Variants in ARB2A observed in about 807,000 individuals in gnomAD.
The protein encoded by ARB2A is ARB2 cotranscriptional regulator A.
chr5:94,007,193 T>C, the ARB2A span, among the ~76,000 whole-genome samples: 1 of 152,164 alleles, frequency 6.6e-6, no homozygotes, highest in African/African-American at 2.4e-5. Context: ...ATTTGTAACA[T>C]ATCACAAGGA....
At chr5:94,062,817 C>T in the ARB2A span, among the ~76,000 whole-genome samples, 1 of 152,222 alleles carries the variant, frequency 6.6e-6, no homozygotes, top group Non-Finnish European at 1.5e-5. Flanking sequence ...CCTACAGCGA[C>T]TGCTGCAGCC....
the ARB2A span, among the ~76,000 whole-genome samples, chr5:94,024,432 A>C: frequency 6.6e-6 from 1 of 152,140 alleles, no homozygotes; most frequent in Non-Finnish European, 1.5e-5. Context: ...ATTCCTTAAA[A>C]TACATGTCTT....
At chr5:93,716,389 T>A in the ARB2A span, among the ~76,000 whole-genome samples, 1 of 152,292 alleles carries the variant, frequency 6.6e-6, no homozygotes, top group Admixed American at 6.5e-5. Context: ...GTATTTGACT[T>A]TGAACTTTTG....
chr5:93,634,293 G>C, the ARB2A span, among the ~76,000 whole-genome samples: 1 of 151,890 alleles, frequency 6.6e-6, no homozygotes, highest in Non-Finnish European at 1.5e-5. Flanking sequence ...CCAGCTACTT[G>C]GGAGGCTGAG....
the ARB2A span, among the ~76,000 whole-genome samples, chr5:93,741,968 T>C: frequency 6.6e-6 from 1 of 152,128 alleles, no homozygotes; most frequent in Non-Finnish European, 1.5e-5. Context: ...ATTAAATATC[T>C]ATATGCCAGA....
chr5:93,771,226 T>C, the ARB2A span, among the ~76,000 whole-genome samples: 4 of 151,406 alleles, frequency 2.6e-5, no homozygotes, highest in Non-Finnish European at 5.9e-5. Context: ...ATTTAATAAA[T>C]GGTGCTGGGA....
chr5:93,950,125 T>C, the ARB2A span, among the ~76,000 whole-genome samples: 40 of 152,164 alleles, frequency 2.6e-4, no homozygotes, highest in African/African-American at 9.2e-4. Flanking sequence ...GATGGACACT[T>C]AGGTTGTTTC....
At chr5:93,997,329 A>T in the ARB2A span, among the ~76,000 whole-genome samples, 4 of 152,038 alleles carry the variant, frequency 2.6e-5, no homozygotes, top group African/African-American at 9.7e-5. Flanking sequence ...GTAGATTATA[A>T]CGTTAGCATA....
chr5:94,084,480 T>TTA, the ARB2A span, among the ~76,000 whole-genome samples: 1 of 152,140 alleles, frequency 6.6e-6, no homozygotes, highest in Non-Finnish European at 1.5e-5. Flanking sequence ...TCCCTCTACT[T>TTA]TATATGTAGA....
chr5:93,761,232 C>G, the ARB2A span, among the ~76,000 whole-genome samples: 1 of 152,038 alleles, frequency 6.6e-6, no homozygotes, highest in Admixed American at 6.5e-5. Context: ...TGCAGCACAC[C>G]GAGCGTGAGC....
At chr5:93,981,760 A>G in the ARB2A span, among the ~76,000 whole-genome samples, 1 of 152,116 alleles carries the variant, frequency 6.6e-6, no homozygotes, top group Non-Finnish European at 1.5e-5. Context: ...ATGATATTTT[A>G]TTCAGTGTTT....
the ARB2A span, among the ~76,000 whole-genome samples, chr5:93,993,329 G>A: frequency 6.6e-6 from 1 of 152,030 alleles, no homozygotes; most frequent in Non-Finnish European, 1.5e-5. Flanking sequence ...CCAACTGTCA[G>A]TTCTAACTAT....
chr5:93,784,770 TAA>T, the ARB2A span, among the ~76,000 whole-genome samples: 1 of 152,212 alleles, frequency 6.6e-6, no homozygotes, highest in African/African-American at 2.4e-5. Context: ...ATTCGAGGAT[TAA>T]AGGGATCACA....
chr5:93,853,381 T>C, the ARB2A span, among the ~76,000 whole-genome samples: 2 of 152,218 alleles, frequency 1.3e-5, no homozygotes, highest in African/African-American at 4.8e-5. Context: ...GTTTTCTAGA[T>C]ATACAATCAT....
the ARB2A span, among the ~76,000 whole-genome samples, chr5:94,075,768 A>G: frequency 2.6e-5 from 4 of 152,288 alleles, no homozygotes; most frequent in South Asian, 8.3e-4. Context: ...AACAGAAAAT[A>G]CTTTTTAAAA....
At chr5:93,864,930 A>G in the ARB2A span, among the ~76,000 whole-genome samples, 7 of 152,088 alleles carry the variant, frequency 4.6e-5, no homozygotes, top group African/African-American at 1.7e-4. Flanking sequence ...TGGCTTTTCT[A>G]TCTCTATTTC....
At chr5:93,639,663 G>C in the ARB2A span, among the ~76,000 whole-genome samples, 10 of 152,122 alleles carry the variant, frequency 6.6e-5, no homozygotes, top group East Asian at 1.9e-3. Flanking sequence ...ATGTAAGATG[G>C]GATTGACTAC....
the ARB2A span, among the ~76,000 whole-genome samples, chr5:93,857,726 C>T: frequency 6.6e-6 from 1 of 152,200 alleles, no homozygotes; most frequent in Non-Finnish European, 1.5e-5. Context: ...CTCCCTGACC[C>T]CTTGCGCTTC....
chr5:93,740,661 A>C, the ARB2A span: 1 of 1,613,886 alleles, frequency 6.2e-7, no homozygotes, highest in Non-Finnish European at 8.5e-7. Context: ...AGTGGGGGAT[A>C]TCCACTGGGA....
Sources: allele counts gnomAD v4.1 joint callset (sites outside exome capture counted in the v4.1 genomes callset), GRCh38; gene constraint gnomAD v4.1.1; transcripts MANE v1.5; gene names NCBI Gene and HGNC (gene_info 2026-07-23, HGNC 2026-07-21).